The following TSPAN16 variants were observed in gnomAD, a reference collection of about 807,000 sequenced individuals.
TSPAN16 encodes tetraspanin 16.
TSPAN16 carries 23 observed loss-of-function variants against 25.2 expected under a neutral mutation model. That is an observed-to-expected ratio of 0.91 (90% CI 0.66 to 1.29). The LOEUF is 1.29. TSPAN16 is among the 50% of genes most tolerant of loss of function. The pLI is 0.00. For synonymous variants in TSPAN16, 123 were observed against 124.4 expected (o/e 0.99, Z 0.08); for missense variants, 272 against 299.9 (o/e 0.91, Z 0.69).
At chr19:11,320,021 T>A (rs1188892961), downstream of TSPAN16, among the ~76,000 whole-genome samples, 2 of 151,574 alleles carry the variant, frequency 1.3e-5, no homozygotes, top group African/African-American at 4.8e-5. Context: ...GGTCTTACCG[T>A]GTTAGCCAGG....
intron 3 of TSPAN16, chr19:11,300,997 G>A (rs2080540018): frequency 1.5e-5 from 8 of 542,660 alleles, no homozygotes; most frequent in Non-Finnish European, 2.3e-5. Context: ...AGACCCACGC[G>A]TCTCCCTGTT....
chr19:11,325,637 T>G (rs779120876), intron 6 of TSPAN16: 1 of 1,517,076 alleles, frequency 6.6e-7, no homozygotes, highest in Non-Finnish European at 9.0e-7. Context: ...GGGCAGAGTC[T>G]CAGCTGTGGC....
chr19:11,324,743 G>A (rs1176561809), intron 6 of TSPAN16: 1 of 152,706 alleles, frequency 6.5e-6, no homozygotes, highest in East Asian at 1.9e-4. Flanking sequence ...CACTTCTGGG[G>A]TCCCTGAAGC....
At chr19:11,300,054 G>T (rs1428058716) in intron 3 of TSPAN16, among the ~76,000 whole-genome samples, 2 of 151,990 alleles carry the variant, frequency 1.3e-5, no homozygotes, top group Non-Finnish European at 2.9e-5. Flanking sequence ...ATGAATAAGG[G>T]TTTAGGCAAG....
chr19:11,318,986 T>A (rs941075534), downstream of TSPAN16, among the ~76,000 whole-genome samples: 1 of 151,732 alleles, frequency 6.6e-6, no homozygotes, highest in African/African-American at 2.4e-5. Flanking sequence ...ACACCAAACA[T>A]GTGGGGTTTT....
chr19:11,297,604 C>T (rs1235666126), intron 1 of TSPAN16, among the ~76,000 whole-genome samples: 1 of 152,062 alleles, frequency 6.6e-6, no homozygotes, highest in Non-Finnish European at 1.5e-5. Context: ...TTAAGCGATT[C>T]TTCTGCCTCA....
At chr19:11,320,657 G>A (rs1026506713), downstream of TSPAN16, among the ~76,000 whole-genome samples, 34 of 148,252 alleles carry the variant, frequency 2.3e-4, no homozygotes, top group Non-Finnish European at 4.4e-4. Context: ...AGGGCCATAC[G>A]GCAAGACCTT....
chr19:11,312,313 G>C, intron 6 of TSPAN16, 91 bp downstream of exon 6: 2 of 408,050 alleles, frequency 4.9e-6, no homozygotes, highest in Non-Finnish European at 7.6e-6. Context: ...ACACAGGAGT[G>C]AACAAAACTA....
chr19:11,298,393 T>G lies in TSPAN16; in HGVS notation c.267+54T>G. On this transcript the variant is annotated intron_variant, in intron 2 of 6. Transcript: ENST00000590327. ...AACTGCCTCCCCACACACACAAATC[T>G]TTTATTGTGCGTGTTGCAAACAACT... The G allele has an allele frequency of 3.9e-6, 6 of 1,555,588 alleles. No homozygotes were observed. In the South Asian group the frequency reaches 6.8e-5, roughly 18 times the overall value.
intron 2 of TSPAN16, 151 bp downstream of exon 2, chr19:11,298,490 A>AGT: frequency 1.4e-6 from 1 of 730,870 alleles, no homozygotes. Flanking sequence ...GCTGGAGTGC[A>AGT]GTGGCACAAT....
intron 5 of TSPAN16, among the ~76,000 whole-genome samples, chr19:11,311,618 T>C (rs2080693123): frequency 6.6e-6 from 1 of 152,054 alleles, no homozygotes; most frequent in Non-Finnish European, 1.5e-5. Flanking sequence ...AGAGGGAGTC[T>C]CACTATGTTA....
intron 4 of TSPAN16, among the ~76,000 whole-genome samples, chr19:11,302,810 C>G (rs1756911797): frequency 6.6e-6 from 1 of 151,188 alleles, no homozygotes; most frequent in South Asian, 2.1e-4. Context: ...CCTCTGCCTC[C>G]CAGGCTGAAG....
Position 11,306,643 on chromosome 19 carries a change from G to T in TSPAN16, c.490G>T (p.Gly164Cys). The change falls in exon 5 of 7, where the codon GGC becomes TGC. Residue 164 changes from glycine (G) to cysteine (C), a missense_variant. Transcript: ENST00000590327. ...CGVNNYTDFS[G>C]SSFEMTTGHT... Reference sequence around the variant, plus strand: ...GGTGAATAACTACACAGATTTTTCTGGCTCTTCCTTCGAAATGACAACGGG... The same window carrying T: ...GGTGAATAACTACACAGATTTTTCTTGCTCTTCCTTCGAAATGACAACGGG... 1 of 1,613,654 alleles carries T rather than the reference G, an allele frequency of 6.2e-7. No homozygotes were observed. The highest frequency in any genetic ancestry group is 8.5e-7 in the Non-Finnish European group (1 of 1,179,986).
chr19:11,302,909 A>G (rs1414949621), intron 4 of TSPAN16, among the ~76,000 whole-genome samples: 1 of 134,100 alleles, frequency 7.5e-6, no homozygotes, highest in African/African-American at 3.0e-5. Context: ...TTTTGTAGAT[A>G]TGGGGTTTCA....
At chr19:11,305,128 G>A (rs142597510) in intron 4 of TSPAN16, among the ~76,000 whole-genome samples, 1 of 152,174 alleles carries the variant, frequency 6.6e-6, no homozygotes, top group Non-Finnish European at 1.5e-5. Flanking sequence ...GCTTGTGATG[G>A]TACAGAATGT....
At chr19:11,299,693 G>T (rs1372497085) in intron 3 of TSPAN16, among the ~76,000 whole-genome samples, 1 of 152,144 alleles carries the variant, frequency 6.6e-6, no homozygotes, top group Non-Finnish European at 1.5e-5. Context: ...TTGCAAAGAG[G>T]GCCAGGTGCG....
chr19:11,302,622 A>AC (rs1568288164), intron 4 of TSPAN16, among the ~76,000 whole-genome samples: 48 of 142,932 alleles, frequency 3.4e-4, no homozygotes, highest in African/African-American at 1.2e-3. Flanking sequence ...TATGTATATA[A>AC]ATATATATAT....
chr19:11,305,028 C>G (rs948748617), intron 4 of TSPAN16, among the ~76,000 whole-genome samples: 7 of 152,082 alleles, frequency 4.6e-5, no homozygotes, highest in African/African-American at 1.7e-4. Context: ...AAGTGATCTT[C>G]CTGAATTGGC....
rs568465492 is a variant in TSPAN16 at position 11,321,030 on chromosome 19, G to T, written c.688-5764G>T. Among the ~76,000 whole-genome samples, 3 of 151,994 alleles carry T rather than the reference G, an allele frequency of 2.0e-5. No homozygotes were observed. In the East Asian group the frequency reaches 5.8e-4, roughly 29 times the overall value. On this transcript the variant is annotated intron_variant, in intron 6 of 6. Coordinates refer to the TSPAN16 transcript ENST00000316737. ...CTAAAAACACAAAAATTAGCCAGGC[G>T]TAGTGGAGTGTGCCTGTAATCCCAG...
Sources: gnomAD v4.1 joint callset for allele counts (sites outside exome capture counted in the v4.1 genomes callset) on GRCh38, gnomAD v4.1.1 for gene constraint, MANE v1.5 for transcripts, NCBI Gene and HGNC (gene_info 2026-07-23, HGNC 2026-07-21) for gene names.